Variants in FAM227A observed in about 807,000 individuals in gnomAD.
The protein encoded by FAM227A is family with sequence similarity 227 member A.
A neutral mutation model predicts 74.7 loss-of-function variants in FAM227A; 80 were observed. That is an observed-to-expected ratio of 1.07 (90% CI 0.89 to 1.29). FAM227A has a LOEUF of 1.29. Among genes scored for constraint, FAM227A ranks in the 50% most tolerant of loss-of-function variants. The probability of loss-of-function intolerance (pLI) is 0.00; values close to 1 mark genes in which losing one functional copy is unlikely to be tolerated. For missense variants in FAM227A, 654 were observed against 683.4 expected, an observed-to-expected ratio of 0.96 and a Z score of 0.48; for synonymous variants, 237 against 241.8, an observed-to-expected ratio of 0.98 and a Z score of 0.19.
chr22:38,615,007 C>T (rs572161529), intron 11 of FAM227A, among the ~76,000 whole-genome samples: 15 of 152,280 alleles, frequency 9.9e-5, no homozygotes, highest in African/African-American at 3.4e-4. Context: ...TGTTAAGTGT[C>T]TTCTTTGTGT....
intron 11 of FAM227A, among the ~76,000 whole-genome samples, chr22:38,615,656 G>A (rs964985773): frequency 2.0e-5 from 3 of 152,216 alleles, no homozygotes; most frequent in Non-Finnish European, 4.4e-5. Context: ...CCTGCAGTGG[G>A]GGGGCCTGAT....
At chr22:38,586,391 C>T (rs1878409130) in intron 16 of FAM227A, among the ~76,000 whole-genome samples, 192 bp from the exon 17 acceptor site, 1 of 152,152 alleles carries the variant, frequency 6.6e-6, no homozygotes, top group Non-Finnish European at 1.5e-5. Flanking sequence ...ATCCCCAGTG[C>T]CTCCATCCTT....
intron 8 of FAM227A, among the ~76,000 whole-genome samples, chr22:38,626,720 A>T (rs1267204819): frequency 4.6e-5 from 7 of 150,770 alleles, no homozygotes; most frequent in Admixed American, 4.6e-4. Flanking sequence ...AAAAAATAAA[A>T]AAAAATAGCT....
chr22:38,599,346 TAAGG>T (rs1424813675), intron 14 of FAM227A, among the ~76,000 whole-genome samples: 1 of 152,140 alleles, frequency 6.6e-6, no homozygotes, highest in African/African-American at 2.4e-5. Context: ...CTGATGGGTC[TAAGG>T]GAGGAATGTG....
intron 11 of FAM227A, among the ~76,000 whole-genome samples, chr22:38,607,699 C>T (rs2091315121): frequency 6.6e-6 from 1 of 152,290 alleles, no homozygotes; most frequent in African/African-American, 2.4e-5. Flanking sequence ...GGACCCAGGG[C>T]AACCAGGGTT....
At chr22:38,641,573 ACAAAG>A (rs1212190121) in intron 3 of FAM227A, among the ~76,000 whole-genome samples, 2 of 150,576 alleles carry the variant, frequency 1.3e-5, no homozygotes, top group South Asian at 2.1e-4. Context: ...AAAAAACAAA[ACAAAG>A]AGAGAAAAAC....
intron 6 of FAM227A, among the ~76,000 whole-genome samples, chr22:38,631,685 G>C (rs2091918193): frequency 6.6e-6 from 1 of 152,180 alleles, no homozygotes; most frequent in Non-Finnish European, 1.5e-5. Context: ...ACTGGGTGCA[G>C]GTGGCGAAAG....
At chr22:38,603,094 G>A (rs1164986381) in intron 13 of FAM227A, among the ~76,000 whole-genome samples, 4 of 152,214 alleles carry the variant, frequency 2.6e-5, no homozygotes, top group South Asian at 4.2e-4. Flanking sequence ...GGCTGGTCTC[G>A]AACTCCTGAC....
intron 1 of FAM227A, among the ~76,000 whole-genome samples, chr22:38,653,156 T>A (rs954243505): frequency 6.6e-6 from 1 of 152,106 alleles, no homozygotes; most frequent in Non-Finnish European, 1.5e-5. Context: ...CAAACCCTAT[T>A]ATGAACTGTG....
At chr22:38,602,641 A>T (rs996991863) in intron 13 of FAM227A, among the ~76,000 whole-genome samples, 1 of 152,250 alleles carries the variant, frequency 6.6e-6, no homozygotes, top group African/African-American at 2.4e-5. Context: ...TACTGACGAC[A>T]GACAGCAGTC....
intron 11 of FAM227A, among the ~76,000 whole-genome samples, chr22:38,616,428 T>C (rs2091577202): frequency 6.6e-6 from 1 of 152,236 alleles, no homozygotes; most frequent in Non-Finnish European, 1.5e-5. Flanking sequence ...TTTGGGAGGC[T>C]GAGGCAGGTG....
At chr22:38,587,882 C>T (rs1021009602) in intron 16 of FAM227A, among the ~76,000 whole-genome samples, 3 of 152,174 alleles carry the variant, frequency 2.0e-5, no homozygotes, top group African/African-American at 7.2e-5. Context: ...TGGGATTTAT[C>T]CCAGGTAGTT....
Position 38,650,273 on chromosome 22 carries a change from T to C in FAM227A, c.-94-11A>G, listed in dbSNP as rs1329908188. The stretch of plus-strand genomic sequence containing the variant: ...TGTTTAATCAGCCTCCTGGAAATCA[T>C]AAACAGCATAGAGCCAGCTCAGAAA... On this transcript the variant is annotated splice_polypyrimidine_tract_variant and intron_variant, in intron 1 of 16. Transcript: ENST00000535113. 1.7e-6 allele frequency: 2 copies of C among 1,156,138 alleles called. No individual in the cohort carries two copies. Among genetic ancestry groups the C allele is most frequent in the Non-Finnish European group, 2.5e-6 (2 of 812,882 alleles). 71.6% of individuals were successfully genotyped at this position (1,156,138 alleles called of 1,614,324 possible).
At chr22:38,625,387 CAAAAAAA>C (rs1037434338) in intron 9 of FAM227A, among the ~76,000 whole-genome samples, 1 of 75,314 alleles carries the variant, frequency 1.3e-5, no homozygotes, top group African/African-American at 4.9e-5. Context: ...AGATCCGTCT[CAAAAAAA>C]AAAAAAAAAG....
At chr22:38,638,909 C>T in intron 4 of FAM227A, 87 bp from the exon 5 acceptor site, 2 of 826,602 alleles carry the variant, frequency 2.4e-6, no homozygotes, top group Non-Finnish European at 3.7e-6. Context: ...TTTTTCATTC[C>T]ACTTGAGCTG....
Position 38,605,311 on chromosome 22 carries a change from C to T in FAM227A, c.1164G>A (p.Thr388=), listed in dbSNP as rs571194609. ...HCQTLVLKKP[T]QEVKRISEAR... ...CTTCTGATATCCTCTTGACTTCTTG[C>T]GTAGGTTTCTTCAAGACCAGGGTCT... The change falls in exon 13 of 17, where the codon ACG becomes ACA. Residue 388 remains threonine (T), a synonymous_variant. Coordinates refer to ENST00000535113, the MANE Select transcript of FAM227A (RefSeq NM_001013647.2). 2.0e-5 allele frequency: 31 copies of T among 1,551,080 alleles called. No homozygotes were observed. In the South Asian group the frequency reaches 2.6e-4, roughly 13 times the overall value.
chr22:38,600,057 C>T, intron 13 of FAM227A, 136 bp from the exon 14 acceptor site: 1 of 849,878 alleles, frequency 1.2e-6, no homozygotes, highest in Non-Finnish European at 1.7e-6. Context: ...AAGAAAATTA[C>T]TCAAAATAAA....
chr22:38,622,318 G>C (rs2091707597), intron 10 of FAM227A, among the ~76,000 whole-genome samples: 1 of 152,162 alleles, frequency 6.6e-6, no homozygotes, highest in Non-Finnish European at 1.5e-5. Flanking sequence ...TTGAATTCTT[G>C]AATTCCTTCC....
chr22:38,620,307 A>C lies in FAM227A; in HGVS notation c.959-16T>G. The C allele has an allele frequency of 6.5e-7, 1 of 1,531,448 alleles. No homozygotes were observed. The highest frequency in any genetic ancestry group is 1.4e-5 in the African/African-American group (1 of 72,724). 94.9% of individuals were successfully genotyped at this position (1,531,448 alleles called of 1,614,324 possible). On this transcript the variant is annotated splice_polypyrimidine_tract_variant and intron_variant, in intron 10 of 16. Coordinates refer to ENST00000535113, the MANE Select transcript of FAM227A (RefSeq NM_001013647.2). The stretch of plus-strand genomic sequence containing the variant: ...AACTCTCTCCCTATAGAAGGGGAAA[A>C]GCTGTTATTAATTCCTCTTGTCATG...
Sources: allele counts gnomAD v4.1 joint callset (sites outside exome capture counted in the v4.1 genomes callset), GRCh38; gene constraint gnomAD v4.1.1; transcripts MANE v1.5; gene names NCBI Gene and HGNC (gene_info 2026-07-23, HGNC 2026-07-21).